NLRP7: variants seen among roughly 807,000 people sequenced by gnomAD.
NLRP7 encodes NACHT, LRR and PYD domains-containing protein 7.
Under a neutral mutation model 85.5 loss-of-function variants are expected in NLRP7, and 72 were observed. That is an observed-to-expected ratio of 0.84 (90% CI 0.70 to 1.02). NLRP7 has a LOEUF of 1.02. NLRP7 is among the 50% of genes least tolerant of loss of function. NLRP7 has a pLI of 0.00. For synonymous variants in NLRP7, 550 were observed against 505.2 expected (o/e 1.09, Z -1.19); for missense variants, 1,243 against 1,219.5 (o/e 1.02, Z -0.29).
exon 4 of NLRP7, chr19:54,939,881 G>A (rs775903199): frequency 3.7e-6 from 6 of 1,613,642 alleles, no homozygotes; most frequent in Non-Finnish European, 5.1e-6. Context: ...CGGCTGCTGC[G>A]CCAGGAGCTG....
chr19:54,930,799 T>G, intron 8 of NLRP7, 133 bp from the exon 9 acceptor site: 3 of 758,166 alleles, frequency 4.0e-6, no homozygotes, highest in African/African-American at 1.7e-5. Context: ...CACTGCAACC[T>G]CTGCCTCCCA....
intron 8 of NLRP7, among the ~76,000 whole-genome samples, chr19:54,931,935 G>A (rs1299379203): frequency 2.6e-5 from 4 of 151,850 alleles, no homozygotes; most frequent in East Asian, 3.9e-4. Flanking sequence ...GGTTCAGACC[G>A]ACCCAGGACA....
At chr19:54,949,420 G>T (rs1343964936), upstream of NLRP7, among the ~76,000 whole-genome samples, 1 of 151,684 alleles carries the variant, frequency 6.6e-6, no homozygotes, top group Non-Finnish European at 1.5e-5. Flanking sequence ...TGAAGAAAAA[G>T]AAAATAAAAA....
rs2068802028 is a variant in NLRP7, at chr19:54,934,315, G to A, written c.2471+174C>T. 6.6e-6 allele frequency among the ~76,000 whole-genome samples: 1 copy of A among 152,102 alleles called. No individual in the cohort carries two copies. Among genetic ancestry groups the A allele is most frequent in the South Asian group, 2.1e-4 (1 of 4,834 alleles). On this transcript the variant is annotated intron_variant, in intron 7 of 9. Transcript: ENST00000340844. The surrounding 1 kb of genome is among the most constrained non-coding windows in gnomAD (Gnocchi z 6.7). The stretch of plus-strand genomic sequence containing the variant: ...TGGTCTCGAACTCCTGAACTCAGAT[G>A]ATCCGCCCACCTCTCTGCTGAGATT...
intron 1 of NLRP7, chr19:54,965,921 AAAT>A (rs1302916950): frequency 2.2e-3 from 152 of 69,186 alleles, no homozygotes; most frequent in Middle Eastern, 0.012. Flanking sequence ...ATTAAAAATA[AAAT>A]AATAATAATA....
At chr19:54,930,080 ACTC>A (rs2068608826) in intron 9 of NLRP7, among the ~76,000 whole-genome samples, 1 of 144,638 alleles carries the variant, frequency 6.9e-6, no homozygotes, top group Middle Eastern at 3.3e-3. Context: ...GCGCCACTGC[ACTC>A]CAGCCTGGGC....
chr19:54,957,409 G>A (rs1463027779), intron 1 of NLRP7, among the ~76,000 whole-genome samples: 2 of 146,782 alleles, frequency 1.4e-5, no homozygotes, highest in African/African-American at 5.1e-5. Flanking sequence ...ACAATGGTGC[G>A]ATCTTAGCTC....
chr19:54,959,314 T>C (rs1225100960), intron 1 of NLRP7, among the ~76,000 whole-genome samples: 1 of 150,316 alleles, frequency 6.7e-6, no homozygotes, highest in Non-Finnish European at 1.5e-5. Flanking sequence ...AATTTTTGTA[T>C]TTTTAATAGA....
intron 1 of NLRP7, among the ~76,000 whole-genome samples, chr19:54,960,938 AT>A (rs1240329065): frequency 6.6e-6 from 1 of 152,096 alleles, no homozygotes; most frequent in Non-Finnish European, 1.5e-5. Flanking sequence ...TCTTAAAAAA[AT>A]ATTCTATATA....
At chr19:54,963,134 A>G (rs514148) in intron 1 of NLRP7, among the ~76,000 whole-genome samples, 69,152 of 151,852 alleles carry the variant, frequency 0.46, 16,050 homozygotes, top group African/African-American at 0.54. Context: ...GGTGGCTCAC[A>G]CCGGAAATCC....
At chr19:54,940,275 C>A (rs778545569) in exon 4 of NLRP7, 1 of 1,614,102 alleles carries the variant, frequency 6.2e-7, no homozygotes, top group Non-Finnish European at 8.5e-7. Context: ...GTTTTCCCCA[C>A]GCCTGCGGGG....
chr19:54,923,965 A>C, intron 9 of NLRP7, 93 bp from the exon 11 acceptor site: 15 of 1,433,214 alleles, frequency 1.0e-5, no homozygotes, highest in Non-Finnish European at 1.5e-5. Flanking sequence ...CAAAGCAGGA[A>C]ACGTTTTTGG....
chr19:54,936,553 G>A (rs193183173), intron 5 of NLRP7, 122 bp from the exon 6 acceptor site: 53 of 864,698 alleles, frequency 6.1e-5, no homozygotes, highest in Admixed American at 4.6e-4. Flanking sequence ...CGGGTGCAGT[G>A]GCTCGTGTCT....
rs2069519674 is a variant in NLRP7 at position 54,947,355 on chromosome 19, GCATCCTCGCACCAAC to G, written c.-40+99_-40+113del. The G allele has an allele frequency of 4.2e-6, 3 of 721,540 alleles. No individual in the cohort carries two copies. In the South Asian group the frequency reaches 4.6e-5, roughly 11 times the overall value. 44.7% of individuals were successfully genotyped at this position (721,540 alleles called of 1,614,324 possible). On this transcript the variant is annotated intron_variant, in intron 1 of 9. Coordinates refer to ENST00000340844, the Ensembl canonical transcript of NLRP7. ...AAAAAAAAAATCAAAGATCCTTCCA[GCATCCTCGCACCAAC>G]CATTAAGGCTTGGGAAGGGCTATGG... is the stretch of plus-strand genomic sequence containing the variant.
At chr19:54,938,320 G>T in intron 4 of NLRP7, 79 bp from the exon 5 acceptor site, 1 of 1,149,390 alleles carries the variant, frequency 8.7e-7, no homozygotes, top group Non-Finnish European at 1.3e-6. Flanking sequence ...CATTTCAATG[G>T]CAAAAACCAC....
chr19:54,951,099 C>G (rs2069653178), upstream of NLRP7, among the ~76,000 whole-genome samples: 1 of 152,204 alleles, frequency 6.6e-6, no homozygotes, highest in South Asian at 2.1e-4. Flanking sequence ...GCACATGTTT[C>G]AGAGAGCACA....
intron 3 of NLRP7, 85 bp from the exon 4 acceptor site, chr19:54,940,551 G>C: frequency 3.4e-6 from 5 of 1,467,360 alleles, no homozygotes; most frequent in Non-Finnish European, 4.7e-6. Context: ...TGAGGGCCAG[G>C]CACGGTGTCT....
chr19:54,947,447 C>T (rs537033260), intron 1 of NLRP7, 22 bp downstream of exon 1: 22 of 1,287,846 alleles, frequency 1.7e-5, no homozygotes, highest in African/African-American at 3.0e-5. Flanking sequence ...ACAAAGAAAT[C>T]GATGCAAGAA....
intron 5 of NLRP7, 105 bp from the exon 6 acceptor site, chr19:54,936,536 T>G: frequency 9.6e-7 from 1 of 1,043,502 alleles, no homozygotes; most frequent in Non-Finnish European, 1.5e-6. Flanking sequence ...TATTAGAAGT[T>G]CTTGGCCGGG....
Sources: allele counts gnomAD v4.1 joint callset (sites outside exome capture counted in the v4.1 genomes callset), GRCh38; gene constraint gnomAD v4.1.1; non-coding constraint Gnocchi (gnomAD v3.1); transcripts MANE v1.5; gene names NCBI Gene and HGNC (gene_info 2026-07-23, HGNC 2026-07-21).